The following DOCK7 variants were observed in gnomAD, a reference collection of about 807,000 sequenced individuals.
DOCK7 encodes dedicator of cytokinesis protein 7.
In DOCK7, 138 loss-of-function variants were observed where a neutral mutation model predicts 271.0. That is an observed-to-expected ratio of 0.51 (90% CI 0.44 to 0.59). The LOEUF (loss-of-function observed/expected upper bound fraction) is 0.59. DOCK7 is among the 20% of genes least tolerant of loss of function. DOCK7 has a pLI of 0.00. For synonymous variants in DOCK7, 823 were observed against 876.1 expected (o/e 0.94, Z 1.07); for missense variants, 2,066 against 2,592.4 (o/e 0.80, Z 4.41).
chr1:62,630,890 A>G (rs1438749838), intron 11 of DOCK7, among the ~76,000 whole-genome samples: 3 of 152,114 alleles, frequency 2.0e-5, no homozygotes, highest in Non-Finnish European at 1.5e-5. Flanking sequence ...ACAAGCTTAT[A>G]TAAGAAAAAA....
rs761290927 is a variant in DOCK7, at chr1:62,494,339, A to G, written c.5153T>C (p.Val1718Ala). The G allele has an allele frequency of 6.2e-7, 1 of 1,610,418 alleles. No individual in the cohort carries two copies. The highest frequency in any genetic ancestry group is 8.5e-7 in the Non-Finnish European group (1 of 1,177,242). Residue 1718 changes from valine (V) to alanine (A), a missense_variant, in exon 40 of 50, where the codon GTT (valine) becomes GCT (alanine). By Grantham distance (64) the Val-to-Ala change is moderately conservative (BLOSUM62 0). Transcript: ENST00000635253. ...CTCCAGCATGCTCAAATATTCAGCAACAAGTGCTGCTGAGTGGACTAGACA... is the reference window on the plus strand; with the variant it reads ...CTCCAGCATGCTCAAATATTCAGCAGCAAGTGCTGCTGAGTGGACTAGACA... ...AQCLVHSAAL[V>A]AEYLSMLEDR... is the part of the protein sequence containing the mutation.
chr1:62,518,520 G>A (rs983170057), intron 31 of DOCK7, among the ~76,000 whole-genome samples: 2 of 151,526 alleles, frequency 1.3e-5, no homozygotes, highest in Non-Finnish European at 2.9e-5. Context: ...CTTGCAGTGA[G>A]CCGAGATTGC....
intron 7 of DOCK7, among the ~76,000 whole-genome samples, chr1:62,640,272 G>A (rs1207524263): frequency 6.6e-6 from 1 of 152,122 alleles, no homozygotes. Context: ...CCAGCACTTT[G>A]GGAGGCCGAG....
intron 42 of DOCK7, 72 bp from the exon 43 acceptor site, chr1:62,487,484 C>A: frequency 7.5e-7 from 1 of 1,335,704 alleles, no homozygotes; most frequent in Non-Finnish European, 1.1e-6. Flanking sequence ...GCCAAAGGCA[C>A]CATATACCAT....
At chr1:62,667,808 A>G (rs971474022) in intron 1 of DOCK7, among the ~76,000 whole-genome samples, 3 of 152,160 alleles carry the variant, frequency 2.0e-5, no homozygotes, top group African/African-American at 7.2e-5. Context: ...GCCTGAGGTC[A>G]GGAGTTCGCG....
chr1:62,626,112 G>GT (rs1259310853), intron 11 of DOCK7, among the ~76,000 whole-genome samples: 1 of 152,028 alleles, frequency 6.6e-6, no homozygotes, highest in Non-Finnish European at 1.5e-5. Flanking sequence ...ACAAATGTAT[G>GT]TAAGTATAAT....
At chr1:62,629,135 C>G (rs1443615591) in intron 11 of DOCK7, 3 of 152,134 alleles carry the variant, frequency 2.0e-5, no homozygotes, top group Non-Finnish European at 2.9e-5. Context: ...TAGTGGAATG[C>G]TAGTGGAATT....
Position 62,535,558 on chromosome 1 carries a change from T to C in DOCK7, c.3546A>G (p.Gln1182=), listed in dbSNP as rs760052391. The part of the protein sequence containing the change: ...NMFELSVPFR[Q]QHYLAGLVLT... ...ACACAAGTCCTGCCAAATAATGCTG[T>C]TGGCGGAAAGGCACGGATAATTCAA... The change falls in exon 29 of 50, where the codon CAA becomes CAG. Residue 1182 remains glutamine (Q), a synonymous_variant. Transcript: ENST00000635253. 8.7e-6 allele frequency: 14 copies of C among 1,613,998 alleles called. No individual in the cohort carries two copies. The highest frequency in any genetic ancestry group is 2.7e-5 in the African/African-American group (2 of 74,940).
At chr1:62,524,897 G>A (rs377461016) in intron 31 of DOCK7, among the ~76,000 whole-genome samples, 7 of 124,292 alleles carry the variant, frequency 5.6e-5, no homozygotes, top group East Asian at 2.2e-4. Flanking sequence ...GCAGGGCTCC[G>A]TCTCAAAAAA....
At position 62,455,219 on chromosome 1, in the gene DOCK7, G is replaced by A. The variant is rs993967581; in HGVS notation, c.*195C>T. ...AAAATGTCTTAAAAGATAACAGCTT[G>A]TTACCAGAACATTAGAAACCATAGC... On this transcript the variant is annotated 3_prime_UTR_variant, in exon 50 of 50. Transcript: ENST00000635253. The A allele has an allele frequency of 2.9e-6, 2 of 693,208 alleles. No individual in the cohort carries two copies. Among genetic ancestry groups the A allele is most frequent in the African/African-American group, 3.6e-5 (2 of 56,004 alleles). 42.9% of individuals were successfully genotyped at this position (693,208 alleles called of 1,614,324 possible). A position where few individuals can be genotyped will look rare whatever the true frequency, so the allele number is the denominator to read the frequency against.
intron 14 of DOCK7, chr1:62,602,023 CTTGT>C: frequency 1.6e-6 from 1 of 611,036 alleles, no homozygotes. Flanking sequence ...ATACTTTTAC[CTTGT>C]TTATGTATTT....
intron 28 of DOCK7, 35 bp downstream of exon 28, chr1:62,537,856 C>A: frequency 6.4e-7 from 1 of 1,572,376 alleles, no homozygotes. Context: ...ACAAAAGTGA[C>A]TTTAAATATA....
chr1:62,648,038 A>C (rs949827343), intron 6 of DOCK7, 68 bp downstream of exon 6: 1 of 1,427,002 alleles, frequency 7.0e-7, no homozygotes, highest in African/African-American at 1.4e-5. Flanking sequence ...GTAATACTAT[A>C]TATCAATCAT....
In DOCK7 at chr1:62,455,287, G is replaced by C; in HGVS notation, c.*127C>G. The C allele has an allele frequency of 1.1e-6, 1 of 946,462 alleles. No individual in the cohort carries two copies. The highest frequency in any genetic ancestry group is 1.7e-6 in the Non-Finnish European group (1 of 599,800). 58.6% of individuals were successfully genotyped at this position (946,462 alleles called of 1,614,324 possible). A position where few individuals can be genotyped will look rare whatever the true frequency, so the allele number is the denominator to read the frequency against. On this transcript the variant is annotated 3_prime_UTR_variant, in exon 50 of 50. Coordinates refer to ENST00000635253, the MANE Select transcript of DOCK7 (RefSeq NM_001367561.1). ...AACAATCTACATTTGATATTTTCTTGGCCACTGCATTCTTCAATGAATAAT... is the reference window on the plus strand; with the variant it reads ...AACAATCTACATTTGATATTTTCTTCGCCACTGCATTCTTCAATGAATAAT...
At chr1:62,489,563 C>A (rs72913238) in intron 41 of DOCK7, among the ~76,000 whole-genome samples, 5,324 of 152,192 alleles carry the variant, frequency 0.035, 319 homozygotes, top group African/African-American at 0.12. Context: ...TCCAGTGTAT[C>A]TTCTCCTCTG....
chr1:62,604,459 T>A (rs1241491573), intron 14 of DOCK7: 1 of 903,194 alleles, frequency 1.1e-6, no homozygotes, highest in African/African-American at 1.7e-5. Flanking sequence ...AGTGTATAGA[T>A]TATTTATACA....
intron 7 of DOCK7, among the ~76,000 whole-genome samples, chr1:62,638,861 G>A (rs74078654): frequency 0.025 from 3,735 of 151,606 alleles, 151 homozygotes; most frequent in African/African-American, 0.083. Flanking sequence ...TATAAAAAAC[G>A]TCCACTGTTA....
In DOCK7 at chr1:62,476,124, C is replaced by A. The variant is rs1304990688; in HGVS notation, c.5667G>T (p.Val1889=). ...GFYGERFGED[V]VEVIKDSNPV... is the part of the protein sequence containing the mutation. ...GATTAGAGTCTTTGATTACTTCAAC[C>A]ACATCCTCTCCAAATCTTTCTCCGT... The change falls in exon 45 of 50, where the codon GTG becomes GTT. Residue 1889 remains valine, a synonymous_variant. Transcript: ENST00000635253. The A allele has an allele frequency of 6.2e-7, 1 of 1,613,228 alleles. No homozygotes were observed. The highest frequency in any genetic ancestry group is 2.2e-5 in the East Asian group (1 of 44,838).
At chr1:62,679,675 T>C (rs1237678271) in intron 1 of DOCK7, among the ~76,000 whole-genome samples, 1 of 152,192 alleles carries the variant, frequency 6.6e-6, no homozygotes, top group African/African-American at 2.4e-5. Context: ...TAAAGCAACA[T>C]TGTTGTGAGA....
Sources: allele counts gnomAD v4.1 joint callset (sites outside exome capture counted in the v4.1 genomes callset), GRCh38; gene constraint gnomAD v4.1.1; transcripts MANE v1.5; gene names NCBI Gene and HGNC (gene_info 2026-07-23, HGNC 2026-07-21).